The following CCSER1 variants were observed in gnomAD, a reference collection of about 807,000 sequenced individuals.
The protein encoded by CCSER1 is coiled-coil serine rich protein 1.
CCSER1 carries 41 observed loss-of-function variants against 82.0 expected under a neutral mutation model. The observed-to-expected ratio is 0.50, with a 90% CI of 0.39 to 0.65. The LOEUF is 0.65. Ranked by LOEUF, CCSER1 falls within the 30% of genes least tolerant of loss-of-function variation. CCSER1 has a pLI of 0.00. For synonymous variants in CCSER1, 414 were observed against 383.9 expected (o/e 1.08, Z -0.92); for missense variants, 1,119 against 1,064.2 (o/e 1.05, Z -0.72).
intron 9 of CCSER1, among the ~76,000 whole-genome samples, chr4:90,944,416 G>T (rs1731986958): frequency 6.6e-6 from 1 of 151,960 alleles, no homozygotes; most frequent in Admixed American, 6.6e-5. Context: ...TTCACTTAAG[G>T]AACATATTAT....
intron 8 of CCSER1, among the ~76,000 whole-genome samples, chr4:90,884,051 G>A (rs1721745230): frequency 1.3e-5 from 2 of 152,006 alleles, no homozygotes; most frequent in African/African-American, 4.8e-5. Context: ...GGTAGAGGAG[G>A]CTGACTGATG....
chr4:90,611,663 A>G (rs1029171957), intron 5 of CCSER1, among the ~76,000 whole-genome samples: 3 of 150,430 alleles, frequency 2.0e-5, no homozygotes, highest in Non-Finnish European at 4.4e-5. Context: ...ATACCATTTC[A>G]TATGAAGAAA....
chr4:90,942,598 G>A (rs374445782), intron 9 of CCSER1, among the ~76,000 whole-genome samples: 6 of 151,750 alleles, frequency 4.0e-5, no homozygotes, highest in African/African-American at 1.2e-4. Flanking sequence ...TTGTGGTCAC[G>A]TTATATATGG....
At chr4:90,569,648 C>T (rs1395422248) in intron 5 of CCSER1, among the ~76,000 whole-genome samples, 1 of 152,170 alleles carries the variant, frequency 6.6e-6, no homozygotes, top group Non-Finnish European at 1.5e-5. Context: ...GACAGAGGCA[C>T]AATTTGTACC....
chr4:90,432,134 GT>G (rs796643684), intron 4 of CCSER1, among the ~76,000 whole-genome samples: 127 of 152,222 alleles, frequency 8.3e-4, no homozygotes, highest in African/African-American at 2.9e-3. Context: ...TAAAATTTGA[GT>G]TATTACATGA....
intron 10 of CCSER1, among the ~76,000 whole-genome samples, chr4:91,291,754 T>G (rs1743767550): frequency 6.6e-6 from 1 of 151,934 alleles, no homozygotes; most frequent in Non-Finnish European, 1.5e-5. Flanking sequence ...CAATTTGCCA[T>G]GGGATTTGGC....
chr4:91,084,882 A>G (rs2148813985), intron 9 of CCSER1, among the ~76,000 whole-genome samples: 1 of 152,200 alleles, frequency 6.6e-6, no homozygotes, highest in East Asian at 1.9e-4. Flanking sequence ...TGAAGAGATA[A>G]CATGTTTGAA....
chr4:90,278,863 A>C (rs1015462847), intron 1 of CCSER1, among the ~76,000 whole-genome samples: 3 of 152,106 alleles, frequency 2.0e-5, no homozygotes, highest in Admixed American at 6.6e-5. Flanking sequence ...GATAAGATAT[A>C]GGTCAAACAA....
chr4:91,250,799 TC>T (rs1291667612), intron 10 of CCSER1, among the ~76,000 whole-genome samples: 3 of 152,040 alleles, frequency 2.0e-5, no homozygotes, highest in Non-Finnish European at 2.9e-5. Flanking sequence ...ATATTGCTTT[TC>T]TTCCAAAATC....
At chr4:90,965,790 CATAAG>C (rs1299250639) in intron 9 of CCSER1, among the ~76,000 whole-genome samples, 3 of 151,998 alleles carry the variant, frequency 2.0e-5, no homozygotes, top group East Asian at 1.9e-4. Context: ...AAGTGTGACT[CATAAG>C]AGAGGGAAAA....
chr4:90,348,081 C>T, intron 3 of CCSER1, among the ~76,000 whole-genome samples: 1 of 152,042 alleles, frequency 6.6e-6, no homozygotes, highest in East Asian at 1.9e-4. Flanking sequence ...CATATGGACA[C>T]ATGGAGGGGA....
intron 10 of CCSER1, among the ~76,000 whole-genome samples, chr4:91,547,100 G>A (rs1209032742): frequency 1.3e-5 from 2 of 151,354 alleles, no homozygotes; most frequent in Non-Finnish European, 2.9e-5. Flanking sequence ...TCTGGGAGTA[G>A]ACATTGCATG....
At chr4:90,250,387 A>T (rs562348869) in intron 1 of CCSER1, among the ~76,000 whole-genome samples, 2 of 152,138 alleles carry the variant, frequency 1.3e-5, no homozygotes, top group South Asian at 4.1e-4. Flanking sequence ...ATCTATTTTG[A>T]TTCACTTTTT....
chr4:91,392,363 G>GCACACACACACA (rs142343973), intron 10 of CCSER1, among the ~76,000 whole-genome samples: 21 of 148,216 alleles, frequency 1.4e-4, no homozygotes, highest in Middle Eastern at 6.8e-3. Context: ...ACCTACACAT[G>GCACACACACACA]CACACACACA....
intron 5 of CCSER1, among the ~76,000 whole-genome samples, chr4:90,586,212 G>A (rs1297434571): frequency 6.6e-6 from 1 of 152,040 alleles, no homozygotes; most frequent in Non-Finnish European, 1.5e-5. Flanking sequence ...ACATGCGAGG[G>A]ACCTAGGTTG....
At chr4:91,297,367 G>GTGTGTGTGTGTA (rs1744270838) in intron 10 of CCSER1, among the ~76,000 whole-genome samples, 4 of 95,080 alleles carry the variant, frequency 4.2e-5, no homozygotes, top group African/African-American at 1.7e-4. Flanking sequence ...ATGGATGCTT[G>GTGTGTGTGTGTA]TGTGTGTGTG....
intron 10 of CCSER1, among the ~76,000 whole-genome samples, chr4:91,149,460 T>G (rs1729907654): frequency 6.6e-6 from 1 of 152,218 alleles, no homozygotes; most frequent in Non-Finnish European, 1.5e-5. Context: ...TTTCTTTTGC[T>G]GTGCAGAAGC....
intron 6 of CCSER1, among the ~76,000 whole-genome samples, chr4:90,691,735 T>C (rs899882183): frequency 6.6e-6 from 1 of 151,814 alleles, no homozygotes; most frequent in South Asian, 2.1e-4. Context: ...GGAGTACATA[T>C]GCAGGTTTGT....
At chr4:90,192,167 G>A (rs937420671) in intron 1 of CCSER1, among the ~76,000 whole-genome samples, 1 of 151,994 alleles carries the variant, frequency 6.6e-6, no homozygotes, top group Admixed American at 6.6e-5. Flanking sequence ...TCAAGGAGGA[G>A]CAAGTCACAT....
Sources: gnomAD v4.1 joint callset for allele counts (sites outside exome capture counted in the v4.1 genomes callset) on GRCh38, gnomAD v4.1.1 for gene constraint, MANE v1.5 for transcripts, NCBI Gene and HGNC (gene_info 2026-07-23, HGNC 2026-07-21) for gene names.